Variants in ITGA11 observed in about 807,000 individuals in gnomAD.
ITGA11 encodes the protein integrin alpha-11.
Under a neutral mutation model 141.9 loss-of-function variants are expected in ITGA11, and 97 were observed. That is an observed-to-expected ratio of 0.68 (90% confidence interval 0.58 to 0.81). The LOEUF is 0.81. Ranked by LOEUF, ITGA11 falls within the 30% of genes least tolerant of loss-of-function variation. The pLI is 0.00. For synonymous variants in ITGA11, 658 were observed against 624.6 expected, an observed-to-expected ratio of 1.05 and a Z score of -0.80; for missense variants, 1,387 against 1,559.2, an observed-to-expected ratio of 0.89 and a Z score of 1.86.
intron 2 of ITGA11, among the ~76,000 whole-genome samples, chr15:68,375,082 C>T (rs765433646): frequency 6.6e-6 from 1 of 152,144 alleles, no homozygotes; most frequent in Non-Finnish European, 1.5e-5. Context: ...AGGCTCAGTG[C>T]TCAGAGAGGA....
At chr15:68,400,188 G>A (rs1047388513) in intron 2 of ITGA11, among the ~76,000 whole-genome samples, 1 of 152,010 alleles carries the variant, frequency 6.6e-6, no homozygotes, top group Admixed American at 6.6e-5. Flanking sequence ...AACAAATTGT[G>A]CCAGATCAAC....
At chr15:68,381,849 C>T (rs1235439487) in intron 2 of ITGA11, among the ~76,000 whole-genome samples, 1 of 152,190 alleles carries the variant, frequency 6.6e-6, no homozygotes, top group Non-Finnish European at 1.5e-5. Context: ...AGCCACCGCA[C>T]CCAGCTACAT....
At chr15:68,348,468 C>T (rs1367804279) in intron 10 of ITGA11, among the ~76,000 whole-genome samples, 1 of 152,244 alleles carries the variant, frequency 6.6e-6, no homozygotes, top group Non-Finnish European at 1.5e-5. Context: ...GGAAGGCACA[C>T]CCCGCGCCTC....
rs1396730551 is a variant in ITGA11 at position 68,328,796 on chromosome 15, A to T, written c.1902-534T>A. On this transcript the variant is annotated intron_variant, in intron 15 of 29. Transcript: ENST00000315757. This position sits in a 1 kb window ranked among gnomAD's most constrained non-coding sequence, Gnocchi z 4.8. ...TTGGCACTGATTTTGCATTTCTAAC[A>T]AGATCCCAGGTGATGTGAACGTTCC... 2.0e-5 allele frequency among the ~76,000 whole-genome samples: 3 copies of T among 152,194 alleles called. No homozygotes were observed. The highest frequency in any genetic ancestry group is 4.4e-5 in the Non-Finnish European group (3 of 68,042).
chr15:68,302,054 C>T lies in ITGA11; in HGVS notation c.*1005G>A, dbSNP rs1482801888. 2.0e-5 allele frequency: 1 copy of T among 51,246 alleles called. No individual in the cohort carries two copies. Among genetic ancestry groups the T allele is most frequent in the Non-Finnish European group, 3.9e-5 (1 of 25,956 alleles). The allele number at this position is 51,246 out of a possible 1,614,324, so 3.2% of individuals were successfully genotyped here. A position where few individuals can be genotyped will look rare whatever the true frequency, so the allele number is the denominator to read the frequency against. On this transcript the variant is annotated 3_prime_UTR_variant, in exon 30 of 30. Transcript: ENST00000315757. ...GCGGGCATGAGGGAAGGATGGGAGGCAGTGTGTGTGTGTGTGTGTGTGTGT... is the reference window on the plus strand; with the variant it reads ...GCGGGCATGAGGGAAGGATGGGAGGTAGTGTGTGTGTGTGTGTGTGTGTGT...
Position 68,299,841 on chromosome 15 carries a change from C to G in ITGA11, c.*3218G>C, listed in dbSNP as rs1892988524. 6.6e-6 allele frequency: 1 copy of G among 152,160 alleles called. No individual in the cohort carries two copies. Among genetic ancestry groups the G allele is most frequent in the African/African-American group, 2.4e-5 (1 of 41,412 alleles). 9.4% of individuals were successfully genotyped at this position (152,160 alleles called of 1,614,324 possible). A position where few individuals can be genotyped will look rare whatever the true frequency, so the allele number is the denominator to read the frequency against. On this transcript the variant is annotated 3_prime_UTR_variant, in exon 30 of 30. Coordinates refer to ENST00000315757, the MANE Select transcript of ITGA11 (RefSeq NM_001004439.2). ...TCTCCTAGAAGCTCTTCCACATGTC[C>G]CTAGGCAGAGCTATTCCATAGTGTC...
intron 10 of ITGA11, 126 bp downstream of exon 10, chr15:68,348,704 G>A (rs934485167): frequency 4.1e-5 from 32 of 777,068 alleles, no homozygotes; most frequent in Non-Finnish European, 6.4e-5. Flanking sequence ...CCAAGAAAGA[G>A]AGAAAGTGAG....
In ITGA11 at chr15:68,432,031, C is replaced by A. The variant is rs1897281025; in HGVS notation, c.36G>T (p.Ala12=). Residue 12 remains alanine, a synonymous_variant, in exon 1 of 30, where the codon GCG becomes GCT. Coordinates refer to ENST00000315757, the MANE Select transcript of ITGA11 (RefSeq NM_001004439.2). ...GGCACCTACCTGGCCACAGGCTGAG[C>A]GCCCAGGCCACCACCAGGCCCCTGG... ...DLPRGLVVAW[A]LSLWPGFTDT... 7.5e-7 allele frequency: 1 copy of A among 1,338,382 alleles called. No homozygotes were observed. The highest frequency in any genetic ancestry group is 2.2e-5 in the South Asian group (1 of 45,638). The allele number at this position is 1,338,382 out of a possible 1,614,324, so 82.9% of individuals were successfully genotyped here.
chr15:68,305,929 G>A lies in ITGA11; in HGVS notation c.3381+1419C>T, dbSNP rs934815559. On this transcript the variant is annotated intron_variant, in intron 28 of 29. Transcript: ENST00000315757. The surrounding 1 kb of genome is among the most constrained non-coding windows in gnomAD (Gnocchi z 4.6). Reference sequence around the variant, plus strand: ...TGGCCGGGCACGGTGGCTCATGCCTGTAATCCCAGCACTTTGGGAAGCCGA... The same window carrying A: ...TGGCCGGGCACGGTGGCTCATGCCTATAATCCCAGCACTTTGGGAAGCCGA... Among the ~76,000 whole-genome samples the A allele has an allele frequency of 1.5e-4, 23 of 151,758 alleles. No homozygotes were observed. Among genetic ancestry groups the A allele is most frequent in the Admixed American group, 4.6e-4 (7 of 15,234 alleles).
chr15:68,348,471 C>A (rs530625999), intron 10 of ITGA11, among the ~76,000 whole-genome samples: 1 of 152,232 alleles, frequency 6.6e-6, no homozygotes, highest in Non-Finnish European at 1.5e-5. Flanking sequence ...AGGCACACCC[C>A]GCGCCTCACA....
chr15:68,347,315 G>A lies in ITGA11; in HGVS notation c.1131+1515C>T, dbSNP rs559538544. On this transcript the variant is annotated intron_variant, in intron 10 of 29. Coordinates refer to ENST00000315757, the MANE Select transcript of ITGA11 (RefSeq NM_001004439.2). ...AGGCTCAGGACCCAGCACAGAGAAG[G>A]CACTGAAAAGAGTGGCTGATCCAAC... 2.6e-5 allele frequency among the ~76,000 whole-genome samples: 4 copies of A among 152,320 alleles called. No individual in the cohort carries two copies. The East Asian group carries it at 7.7e-4, about 29-fold the overall frequency.
chr15:68,317,209 A>G, intron 21 of ITGA11, 56 bp downstream of exon 21: 2 of 1,275,056 alleles, frequency 1.6e-6, no homozygotes, highest in South Asian at 1.2e-5. Context: ...TCCCCAAACT[A>G]CCTGTGCCTC....
intron 21 of ITGA11, among the ~76,000 whole-genome samples, chr15:68,317,040 A>G (rs568469917): frequency 1.3e-5 from 2 of 152,264 alleles, no homozygotes; most frequent in South Asian, 4.1e-4. Flanking sequence ...GAGTGGTAGG[A>G]ATTCTCTCTG....
At chr15:68,417,060 G>T (rs1458005266) in intron 1 of ITGA11, among the ~76,000 whole-genome samples, 1 of 152,080 alleles carries the variant, frequency 6.6e-6, no homozygotes, top group East Asian at 1.9e-4. Context: ...TGCTCTGTCT[G>T]AGCGAGTGTG....
rs1159755494 is a variant in ITGA11, at chr15:68,331,077, T to C, written c.1805A>G (p.Gln602Arg). 5.0e-6 allele frequency: 8 copies of C among 1,599,714 alleles called. No homozygotes were observed. The highest frequency in any genetic ancestry group is 6.8e-6 in the Non-Finnish European group (8 of 1,173,144). ...CCCGTGGATGCTGCAGCCAAAATACTGGAGGCCGGTAGCCAGCTCTGAGGC... is the reference window on the plus strand; with the variant it reads ...CCCGTGGATGCTGCAGCCAAAATACCGGAGGCCGGTAGCCAGCTCTGAGGC... Reference protein sequence around the residue: ...ITASELATGLQYFGCSIHGQL... With the variant: ...ITASELATGLRYFGCSIHGQL... The change falls in exon 15 of 30, where the codon CAG becomes CGG. Residue 602 changes from glutamine to arginine, a missense_variant. Gln to Arg is a conservative substitution (Grantham distance 43). Coordinates refer to ENST00000315757, the MANE Select transcript of ITGA11 (RefSeq NM_001004439.2).
chr15:68,387,660 A>T lies in ITGA11; in HGVS notation c.164+15258T>A, dbSNP rs199842941. ...ATGTATATTATAAACATTCCCTTACATCCGCTGGGCTCCAATCCTGGTAGA... is the reference window on the plus strand; with the variant it reads ...ATGTATATTATAAACATTCCCTTACTTCCGCTGGGCTCCAATCCTGGTAGA... On this transcript the variant is annotated intron_variant, in intron 2 of 29. Transcript: ENST00000315757. Among the ~76,000 whole-genome samples the T allele has an allele frequency of 7.9e-5, 12 of 152,164 alleles. No individual in the cohort carries two copies. The East Asian group carries it at 1.9e-3, about 24-fold the overall frequency.
At chr15:68,383,486 T>C (rs1595885996) in intron 2 of ITGA11, among the ~76,000 whole-genome samples, 1 of 152,360 alleles carries the variant, frequency 6.6e-6, no homozygotes, top group East Asian at 1.9e-4. Context: ...ACATTGCACC[T>C]TGTGGTTTTC....
chr15:68,364,941 T>G, intron 3 of ITGA11, 143 bp from the exon 4 acceptor site: 1 of 900,076 alleles, frequency 1.1e-6, no homozygotes, highest in Non-Finnish European at 1.7e-6. Flanking sequence ...TACAAAGGCC[T>G]TCCCCAGACG....
chr15:68,327,349 C>T (rs1260609094), intron 16 of ITGA11, among the ~76,000 whole-genome samples: 1 of 152,244 alleles, frequency 6.6e-6, no homozygotes, highest in Non-Finnish European at 1.5e-5. Flanking sequence ...AGTCCCTTCT[C>T]CTGTTCTCCA....
Sources: allele counts gnomAD v4.1 joint callset (sites outside exome capture counted in the v4.1 genomes callset), GRCh38; gene constraint gnomAD v4.1.1; non-coding constraint Gnocchi (gnomAD v3.1); transcripts MANE v1.5; gene names NCBI Gene and HGNC (gene_info 2026-07-23, HGNC 2026-07-21).